The following RYR3 variants were observed in gnomAD, a reference collection of about 807,000 sequenced individuals.
The protein encoded by RYR3 is ryanodine receptor 3, also known as brain ryanodine receptor-calcium release channel.
A neutral mutation model predicts 584.3 loss-of-function variants in RYR3; 207 were observed. The ratio of observed to expected loss-of-function variants is 0.35; its 90% confidence interval spans 0.32 to 0.40. The LOEUF is 0.40. RYR3 is among the 10% of genes least tolerant of loss of function. The pLI, the probability that RYR3 is intolerant of heterozygous loss-of-function variation, is 1.00. For missense variants in RYR3, 5,616 were observed against 6,089.2 expected, an observed-to-expected ratio of 0.92 and a Z score of 2.59; for synonymous variants, 2,416 against 2,248.5, an observed-to-expected ratio of 1.07 and a Z score of -2.11.
chr15:33,622,018 T>TA (rs1455056709), intron 19 of RYR3, among the ~76,000 whole-genome samples: 1 of 152,146 alleles, frequency 6.6e-6, no homozygotes, highest in Non-Finnish European at 1.5e-5. Flanking sequence ...CGAACAAGCC[T>TA]AATTCCACAA....
At chr15:33,667,960 C>T (rs544582708) in intron 36 of RYR3, among the ~76,000 whole-genome samples, 2 of 150,354 alleles carry the variant, frequency 1.3e-5, no homozygotes, top group Non-Finnish European at 3.0e-5. Flanking sequence ...CTACTCGGCA[C>T]CCTGAGGCAG....
chr15:33,526,610 C>T (rs934686457), intron 3 of RYR3, among the ~76,000 whole-genome samples: 2 of 150,390 alleles, frequency 1.3e-5, no homozygotes. Flanking sequence ...CTGACAAGCT[C>T]GTCATGGGAA....
intron 11 of RYR3, among the ~76,000 whole-genome samples, chr15:33,565,329 A>C (rs1469830446): frequency 6.6e-6 from 1 of 152,176 alleles, no homozygotes; most frequent in Non-Finnish European, 1.5e-5. Context: ...AGATGTTCTC[A>C]CAAAGTAATA....
intron 42 of RYR3, among the ~76,000 whole-genome samples, chr15:33,702,067 C>T (rs1034402844): frequency 1.3e-5 from 2 of 152,166 alleles, no homozygotes; most frequent in South Asian, 2.1e-4. Flanking sequence ...TCAGACCAAG[C>T]CCTTTCATTG....
rs34767570 is a variant in RYR3, at chr15:33,382,319, C to CTTTTTTTTTTTTTTTTTTT, written c.51+71227_51+71245dup. ...CAGGAACTGCTAATTTTAAAAGTGG[C>CTTTTTTTTTTTTTTTTTTT]TTTTTTTTTTTTTTTTTTTTTTGAG... On this transcript the variant is annotated intron_variant, in intron 1 of 103. Transcript: ENST00000634891. Among the ~76,000 whole-genome samples the CTTTTTTTTTTTTTTTTTTT allele has an allele frequency of 4.8e-5, 5 of 104,780 alleles. 1 individual carries two copies. Among genetic ancestry groups the CTTTTTTTTTTTTTTTTTTT allele is most frequent in the African/African-American group, 1.6e-4 (4 of 24,678 alleles). The allele number at this position is 104,780 out of a possible 152,430, so 68.7% of individuals were successfully genotyped here.
intron 3 of RYR3, among the ~76,000 whole-genome samples, chr15:33,508,465 C>T (rs1312735059): frequency 6.6e-6 from 1 of 151,896 alleles, no homozygotes; most frequent in Non-Finnish European, 1.5e-5. Context: ...CTGGCTAACA[C>T]AGTGAAACCC....
chr15:33,788,521 A>G, intron 67 of RYR3, 63 bp downstream of exon 67: 1 of 1,578,076 alleles, frequency 6.3e-7, no homozygotes, highest in Non-Finnish European at 8.7e-7. Context: ...GCAACAGAAT[A>G]AAATGGAAAG....
rs185207863 is a variant in RYR3, at chr15:33,448,601, A to T, written c.52-24818A>T. On this transcript the variant is annotated intron_variant, in intron 1 of 103. Transcript: ENST00000634891. ...AAAGTATGTACAAGAGTTTCCACAG[A>T]TGGTGACAAAGTAATGATGAGGGCC... is the stretch of plus-strand genomic sequence containing the variant. 3.9e-4 allele frequency among the ~76,000 whole-genome samples: 59 copies of T among 152,388 alleles called. 1 individual carries two copies. In the East Asian group the frequency reaches 0.01, roughly 26 times the overall value.
At position 33,562,966 on chromosome 15, in the gene RYR3, G is replaced by A; in HGVS notation, c.1102G>A (p.Ala368Thr). Residue 368 changes from alanine (A) to threonine (T), a missense_variant, in exon 11 of 104, where the codon GCA (alanine) becomes ACA (threonine). Physicochemically the swap from Ala to Thr is moderately conservative, Grantham distance 58. Transcript: ENST00000634891. ...IASGLWVTYK[A>T]QDAKTSRLGP... ...CAGTGGTCTGTGGGTGACCTACAAA[G>A]CACAAGACGCCAAAACTTCCCGCCT... 6.2e-7 allele frequency: 1 copy of A among 1,612,774 alleles called. No individual in the cohort carries two copies. The highest frequency in any genetic ancestry group is 1.7e-5 in the Admixed American group (1 of 59,890).
Position 33,605,333 on chromosome 15 carries a change from A to G in RYR3, c.2164+1969A>G, listed in dbSNP as rs561441550. ...ATCCTGTCTAATTGTGTATCATTCC[A>G]GGAGTGTACAGTTCCCCATCCTCTC... is the stretch of plus-strand genomic sequence containing the variant. On this transcript the variant is annotated intron_variant, in intron 18 of 103. Transcript: ENST00000634891. 8.7e-4 allele frequency among the ~76,000 whole-genome samples: 133 copies of G among 152,280 alleles called. 1 individual carries two copies. Among genetic ancestry groups the G allele is most frequent in the Middle Eastern group, 3.4e-3 (1 of 294 alleles).
intron 98 of RYR3, chr15:33,856,540 C>A (rs527371277): frequency 6.6e-6 from 1 of 152,306 alleles, no homozygotes; most frequent in Admixed American, 6.5e-5. Flanking sequence ...CTCAGCTCCA[C>A]CATCATAATT....
chr15:33,517,607 C>CA (rs910537730), intron 3 of RYR3, among the ~76,000 whole-genome samples: 1 of 152,212 alleles, frequency 6.6e-6, no homozygotes, highest in African/African-American at 2.4e-5. Context: ...TTAACCTCTG[C>CA]AGCATCATGG....
intron 18 of RYR3, among the ~76,000 whole-genome samples, chr15:33,606,314 C>T (rs1051178200): frequency 6.6e-6 from 1 of 152,200 alleles, no homozygotes; most frequent in Non-Finnish European, 1.5e-5. Context: ...CTTCCATCGT[C>T]ATCTATGAAT....
chr15:33,413,499 G>T (rs1318052358), intron 1 of RYR3, among the ~76,000 whole-genome samples: 1 of 152,222 alleles, frequency 6.6e-6, no homozygotes, highest in Non-Finnish European at 1.5e-5. Flanking sequence ...AGCTTTCTTA[G>T]CAGGTCAAGG....
At chr15:33,859,830 A>ATTCAT in intron 100 of RYR3, 99 bp downstream of exon 100, 1 of 1,263,544 alleles carries the variant, frequency 7.9e-7, no homozygotes, top group East Asian at 2.5e-5. Context: ...AAGCGTGTGA[A>ATTCAT]TTCATTTACT....
chr15:33,753,897 A>G (rs1245332507), intron 57 of RYR3, among the ~76,000 whole-genome samples: 2 of 152,174 alleles, frequency 1.3e-5, no homozygotes, highest in African/African-American at 4.8e-5. Context: ...ATGATAAAGG[A>G]AGTCAAGGAA....
rs146729327 is a variant in RYR3 at position 33,859,502 on chromosome 15, T to G, written c.14143-73T>G. On this transcript the variant is annotated intron_variant, in intron 99 of 103. Coordinates refer to ENST00000634891, the MANE Select transcript of RYR3 (RefSeq NM_001036.6). The stretch of plus-strand genomic sequence containing the variant: ...GCTGCCACAATCTGACCGAATCATA[T>G]GAATGATCTGAGCATCTTGCTAAAA... The G allele has an allele frequency of 1.2e-4, 190 of 1,548,058 alleles. No individual in the cohort carries two copies. The East Asian group carries it at 2.1e-3, about 17-fold the overall frequency.
intron 10 of RYR3, among the ~76,000 whole-genome samples, chr15:33,553,703 A>G (rs1460610017): frequency 1.3e-5 from 2 of 152,204 alleles, no homozygotes; most frequent in Non-Finnish European, 2.9e-5. Flanking sequence ...CTTCCAAAAT[A>G]CAGCATCCCA....
At chr15:33,498,807 C>A (rs1190367171) in intron 2 of RYR3, among the ~76,000 whole-genome samples, 2 of 152,136 alleles carry the variant, frequency 1.3e-5, no homozygotes, top group African/African-American at 4.8e-5. Context: ...TTTATAATTT[C>A]CAGTCTTGCA....
Sources: allele counts gnomAD v4.1 joint callset (sites outside exome capture counted in the v4.1 genomes callset), GRCh38; gene constraint gnomAD v4.1.1; transcripts MANE v1.5; gene names NCBI Gene and HGNC (gene_info 2026-07-23, HGNC 2026-07-21).